The following CELSR1 variants were observed in gnomAD, a reference collection of about 807,000 sequenced individuals.
The protein encoded by CELSR1 is cadherin EGF LAG seven-pass G-type receptor 1.
In CELSR1, 110 loss-of-function variants were observed where a neutral mutation model predicts 249.1. The ratio of observed to expected loss-of-function variants is 0.44; its 90% confidence interval spans 0.38 to 0.52. The LOEUF (loss-of-function observed/expected upper bound fraction) is 0.52. Among genes scored for constraint, CELSR1 ranks in the 20% least tolerant of loss-of-function variants. The pLI is 0.00. For missense variants in CELSR1, 4,109 were observed against 4,296.4 expected, an observed-to-expected ratio of 0.96 and a Z score of 1.22; for synonymous variants, 2,113 against 1,900.0, an observed-to-expected ratio of 1.11 and a Z score of -2.92.
At chr22:46,480,958 C>T (rs569895291) in intron 1 of CELSR1, among the ~76,000 whole-genome samples, 4 of 152,146 alleles carry the variant, frequency 2.6e-5, no homozygotes, top group African/African-American at 4.8e-5. Flanking sequence ...AAATTCCGGC[C>T]GGGTCCGGTG....
chr22:46,476,092 A>G (rs1434636902), intron 1 of CELSR1, among the ~76,000 whole-genome samples: 1 of 152,182 alleles, frequency 6.6e-6, no homozygotes, highest in Non-Finnish European at 1.5e-5. Context: ...GCTTCCTCAC[A>G]AAGCTCAACA....
intron 24 of CELSR1, among the ~76,000 whole-genome samples, chr22:46,373,448 CGGGGT>C (rs1354455779): frequency 1.8e-5 from 2 of 111,632 alleles, no homozygotes; most frequent in Non-Finnish European, 3.8e-5. Context: ...ACCCAGTGCT[CGGGGT>C]TGGGGGGGCA....
chr22:46,520,709 G>A (rs1278507110), intron 1 of CELSR1, among the ~76,000 whole-genome samples: 10 of 152,060 alleles, frequency 6.6e-5, no homozygotes. Flanking sequence ...TGATCCACCT[G>A]CCTCGGCCTC....
chr22:46,529,025 G>A (rs543361947), intron 1 of CELSR1, among the ~76,000 whole-genome samples: 13 of 151,650 alleles, frequency 8.6e-5, no homozygotes, highest in Non-Finnish European at 1.9e-4. Context: ...CACCACTTTG[G>A]GAGGCCAAGG....
At position 46,377,096 on chromosome 22, in the gene CELSR1, C is replaced by T. The variant is rs1261513383; in HGVS notation, c.7549G>A (p.Val2517Met). Residue 2517 changes from valine to methionine, a missense_variant, in exon 24 of 35, where the codon GTG becomes ATG. This residue lies in a region of CELSR1 where 1,805 missense variants were observed against 1,831.6 expected (regional missense o/e 0.99). Transcript: ENST00000674500. ...LAVALFLSQL[V>M]FVIGINQTEN... Reference sequence around the variant, plus strand: ...GTCTGGTTGATCCCAATCACGAACACCAGCTGAGAGAGGAAGAGCGCCACG... The same window carrying T: ...GTCTGGTTGATCCCAATCACGAACATCAGCTGAGAGAGGAAGAGCGCCACG... The T allele has an allele frequency of 2.4e-5, 38 of 1,613,506 alleles. No homozygotes were observed. Among genetic ancestry groups the T allele is most frequent in the Non-Finnish European group, 3.1e-5 (36 of 1,179,874 alleles).
chr22:46,464,450 A>G lies in CELSR1; in HGVS notation c.3545-105T>C. The stretch of plus-strand genomic sequence containing the variant: ...TCAGGCATGCTTGGCAAAGGAGAAG[A>G]GAGCCTGGGCATCCCCACTCCCCAT... On this transcript the variant is annotated intron_variant, in intron 1 of 34. Transcript: ENST00000674500. The surrounding 1 kb of genome is among the most constrained non-coding windows in gnomAD (Gnocchi z 8.5). The G allele has an allele frequency of 1.6e-6, 2 of 1,241,754 alleles. No homozygotes were observed. The highest frequency in any genetic ancestry group is 4.6e-5 in the Admixed American group (2 of 43,882). The allele number at this position is 1,241,754 out of a possible 1,614,324, so 76.9% of individuals were successfully genotyped here.
Position 46,534,294 on chromosome 22 carries a change from C to T in CELSR1, c.2877G>A (p.Glu959=). ...CCCAAAGGTTGTACACGGCCACATT[C>T]TCCCGGTCCAGCCGGCGCTGGGTGC... ...VIRTQRRLDR[E]NVAVYNLWAL... The change falls in exon 1 of 35, where the codon GAG becomes GAA. Residue 959 remains glutamate, a synonymous_variant. Transcript: ENST00000674500. This position sits in a 1 kb window ranked among gnomAD's most constrained non-coding sequence, Gnocchi z 9.7. 2 of 1,613,256 alleles carry T rather than the reference C, an allele frequency of 1.2e-6. No homozygotes were observed. Among genetic ancestry groups the T allele is most frequent in the Non-Finnish European group, 1.7e-6 (2 of 1,180,022 alleles).
chr22:46,455,832 T>C (rs73888504), intron 2 of CELSR1, among the ~76,000 whole-genome samples: 5,831 of 152,230 alleles, frequency 0.038, 328 homozygotes, highest in African/African-American at 0.12. Flanking sequence ...TCTGGCTACA[T>C]TGACCCACAC....
At chr22:46,373,487 TG>T (rs781155577) in intron 24 of CELSR1, among the ~76,000 whole-genome samples, 13 of 65,704 alleles carry the variant, frequency 2.0e-4, no homozygotes, top group East Asian at 1.8e-3. Flanking sequence ...TGCTCTGGGG[TG>T]GGGGGGGCAG....
In CELSR1 at chr22:46,426,709, G is replaced by A. The variant is rs146120034; in HGVS notation, c.4611+6684C>T. On this transcript the variant is annotated intron_variant, in intron 5 of 34. Transcript: ENST00000674500. ...TTTCAAGAGATGGGCCCTTTAGGAG[G>A]TGGTAAAGTCATGAGGGTGAGCCCC... Among the ~76,000 whole-genome samples, 159 of 152,308 alleles carry A rather than the reference G, an allele frequency of 1.0e-3. 1 individual carries two copies. The East Asian group carries it at 0.028, about 26-fold the overall frequency.
chr22:46,485,914 C>G (rs1375095228), intron 1 of CELSR1, among the ~76,000 whole-genome samples: 4 of 148,332 alleles, frequency 2.7e-5, no homozygotes, highest in African/African-American at 1.0e-4. Context: ...TTAATATGCT[C>G]TAACCTTTCA....
At chr22:46,494,931 C>T (rs756621053) in intron 1 of CELSR1, among the ~76,000 whole-genome samples, 1 of 152,216 alleles carries the variant, frequency 6.6e-6, no homozygotes, top group Non-Finnish European at 1.5e-5. Flanking sequence ...TGCCAGCACA[C>T]AGAAACACAT....
chr22:46,472,439 C>T lies in CELSR1; in HGVS notation c.3545-8094G>A, dbSNP rs1033180707. Among the ~76,000 whole-genome samples, 4 of 152,114 alleles carry T rather than the reference C, an allele frequency of 2.6e-5. No homozygotes were observed. In the East Asian group the frequency reaches 5.8e-4, roughly 22 times the overall value. ...GGGACAGTGCCGCAGTTCCGAGACT[C>T]GGTGGCAGGTGATTGGCGGCTGTGG... On this transcript the variant is annotated intron_variant, in intron 1 of 34. Coordinates refer to ENST00000674500, the MANE Select transcript of CELSR1 (RefSeq NM_001378328.1). The surrounding 1 kb of genome is among the most constrained non-coding windows in gnomAD (Gnocchi z 7.0).
Position 46,433,542 on chromosome 22 carries a change from G to T in CELSR1, c.4523-61C>A. On this transcript the variant is annotated intron_variant, in intron 4 of 34. Coordinates refer to ENST00000674500, the MANE Select transcript of CELSR1 (RefSeq NM_001378328.1). This position sits in a 1 kb window ranked among gnomAD's most constrained non-coding sequence, Gnocchi z 5.7. ...GGGTTGGCGGGGCCTACTGGGGACC[G>T]AGGATTGCGCTGTGAGGCATCAGGG... is the stretch of plus-strand genomic sequence containing the variant. 7.4e-7 allele frequency: 1 copy of T among 1,348,862 alleles called. No individual in the cohort carries two copies. Among genetic ancestry groups the T allele is most frequent in the Non-Finnish European group, 1.0e-6 (1 of 955,942 alleles). 83.6% of individuals were successfully genotyped at this position (1,348,862 alleles called of 1,614,324 possible).
chr22:46,386,694 T>A (rs1300056139), intron 18 of CELSR1, 109 bp from the exon 19 acceptor site: 1 of 839,186 alleles, frequency 1.2e-6, no homozygotes, highest in Non-Finnish European at 1.8e-6. Flanking sequence ...CATTCATTCA[T>A]TCCAGCCCTA....
At position 46,380,549 on chromosome 22, in the gene CELSR1, G is replaced by A. The variant is rs534503533; in HGVS notation, c.7256+239C>T. ...CCTTGAGGGATCTCTCTGTGCGCCT[G>A]CACATCTGTATCTCCACGTGCAGGT... On this transcript the variant is annotated intron_variant, in intron 22 of 34. Coordinates refer to ENST00000674500, the MANE Select transcript of CELSR1 (RefSeq NM_001378328.1). The surrounding 1 kb of genome is among the most constrained non-coding windows in gnomAD (Gnocchi z 5.1). Among the ~76,000 whole-genome samples, 5 of 152,360 alleles carry A rather than the reference G, an allele frequency of 3.3e-5. No individual in the cohort carries two copies. The highest frequency in any genetic ancestry group is 1.2e-4 in the African/African-American group (5 of 41,584).
At chr22:46,460,211 A>ACACACCCC (rs1555922666) in intron 2 of CELSR1, among the ~76,000 whole-genome samples, 2,403 of 148,958 alleles carry the variant, frequency 0.016, 91 homozygotes, top group African/African-American at 0.055. Flanking sequence ...ACACACACAC[A>ACACACCCC]CACACCCATT....
Position 46,364,698 on chromosome 22 carries a change from C to T in CELSR1, c.8593G>A (p.Asp2865Asn), listed in dbSNP as rs766880229. ...CTGTCACTCTCAGCCAGGCTCTGGT[C>T]GGGCCAGCCGGCCGGAACGTGGTTG... ...VANHVPAGWPDQSLAESDSED... is the reference protein window; with the variant it reads ...VANHVPAGWPNQSLAESDSED... The change falls in exon 33 of 35, where the codon GAC becomes AAC. Residue 2865 changes from aspartate (D) to asparagine (N), a missense_variant. By Grantham distance (23) the Asp-to-Asn change is conservative. Coordinates refer to ENST00000674500, the MANE Select transcript of CELSR1 (RefSeq NM_001378328.1). 14 of 1,612,308 alleles carry T rather than the reference C, an allele frequency of 8.7e-6. No individual in the cohort carries two copies. The highest frequency in any genetic ancestry group is 1.6e-4 in the Middle Eastern group (1 of 6,084).
rs139780360 is a variant in CELSR1 at position 46,379,737 on chromosome 22, A to C, written c.7257-1020T>G. On this transcript the variant is annotated intron_variant, in intron 22 of 34. Coordinates refer to ENST00000674500, the MANE Select transcript of CELSR1 (RefSeq NM_001378328.1). ...CCACTCACGGCTCCTCACTGTGCCCAGGGCAACTGTGATGGGGGCAGCGTT... is the reference window on the plus strand; with the variant it reads ...CCACTCACGGCTCCTCACTGTGCCCCGGGCAACTGTGATGGGGGCAGCGTT... Among the ~76,000 whole-genome samples, 794 of 152,314 alleles carry C rather than the reference A, an allele frequency of 5.2e-3. 7 individuals are homozygous for C. The highest frequency in any genetic ancestry group is 0.018 in the African/African-American group (739 of 41,566).
Sources: allele counts gnomAD v4.1 joint callset (sites outside exome capture counted in the v4.1 genomes callset), GRCh38; gene constraint gnomAD v4.1.1; regional missense constraint gnomAD v4.1.1; non-coding constraint Gnocchi (gnomAD v3.1); transcripts MANE v1.5; gene names NCBI Gene and HGNC (gene_info 2026-07-23, HGNC 2026-07-21).